The following MRPS9 variants were observed in gnomAD, a reference collection of about 807,000 sequenced individuals.
MRPS9 encodes small ribosomal subunit protein uS9m.
MRPS9 carries 45 observed loss-of-function variants against 59.9 expected under a neutral mutation model. The observed-to-expected ratio is 0.75, with a 90% CI of 0.59 to 0.96. The LOEUF is 0.96. MRPS9 is among the 40% of genes least tolerant of loss of function. The pLI, the probability that MRPS9 is intolerant of heterozygous loss-of-function variation, is 0.00. For missense variants in MRPS9, 473 were observed against 481.1 expected (o/e 0.98, Z 0.16); for synonymous variants, 171 against 166.8 (o/e 1.03, Z -0.19).
intron 4 of MRPS9, among the ~76,000 whole-genome samples, chr2:105,074,770 T>A (rs934617995): frequency 6.6e-6 from 1 of 152,134 alleles, no homozygotes; most frequent in Non-Finnish European, 1.5e-5. Flanking sequence ...GTTGAAAGAA[T>A]AATATAATTG....
chr2:105,063,138 G>A (rs762986291), intron 2 of MRPS9, among the ~76,000 whole-genome samples: 2 of 152,128 alleles, frequency 1.3e-5, no homozygotes, highest in Non-Finnish European at 2.9e-5. Flanking sequence ...AGGTGCCGTG[G>A]CACATGCTGT....
chr2:105,093,169 C>CT (rs1329503023), intron 8 of MRPS9, among the ~76,000 whole-genome samples: 1 of 151,990 alleles, frequency 6.6e-6, no homozygotes. Flanking sequence ...ATTTCTAAAA[C>CT]TTATGTTGTT....
At chr2:105,070,581 C>T (rs1033844043) in intron 2 of MRPS9, among the ~76,000 whole-genome samples, 5 of 152,086 alleles carry the variant, frequency 3.3e-5, no homozygotes, top group Non-Finnish European at 7.4e-5. Context: ...TGTTGTGAGG[C>T]GGGGCATTGG....
rs1464133310 is a variant in MRPS9, at chr2:105,045,218, A to T, written c.136-3953A>T. ...AGAATTCATTGGATATTTATTTTTG[A>T]AGTTGATAGTACATTTAAACATTTT... On this transcript the variant is annotated intron_variant, in intron 1 of 10. Coordinates refer to ENST00000258455, the MANE Select transcript of MRPS9 (RefSeq NM_182640.3). Among the ~76,000 whole-genome samples the T allele has an allele frequency of 2.0e-5, 3 of 152,260 alleles. No homozygotes were observed. In the East Asian group the frequency reaches 5.8e-4, roughly 29 times the overall value.
rs1271667159 is a variant in MRPS9 at position 105,080,046 on chromosome 2, A to G, written c.473A>G (p.Tyr158Cys). ...CTCTTCTATACTGGCAAACAGTCATACTATTCATTAATGCATGTAAGTATA... is the reference window on the plus strand; with the variant it reads ...CTCTTCTATACTGGCAAACAGTCATGCTATTCATTAATGCATGTAAGTATA... ...HYLFYTGKQS[Y>C]YSLMHDVYGM... The change falls in exon 5 of 11, where the codon TAC becomes TGC. Residue 158 changes from tyrosine to cysteine, a missense_variant. Transcript: ENST00000258455. The G allele has an allele frequency of 3.7e-6, 6 of 1,606,768 alleles. No homozygotes were observed. Among genetic ancestry groups the G allele is most frequent in the Admixed American group, 1.7e-5 (1 of 59,542 alleles).
intron 2 of MRPS9, among the ~76,000 whole-genome samples, chr2:105,064,527 G>A (rs186887411): frequency 8.5e-4 from 130 of 152,304 alleles, no homozygotes; most frequent in African/African-American, 3.1e-3. Context: ...CACAAATGTG[G>A]CATCATTGGT....
chr2:105,075,726 T>A (rs1558758460), intron 4 of MRPS9, among the ~76,000 whole-genome samples: 2 of 152,348 alleles, frequency 1.3e-5, no homozygotes, highest in East Asian at 3.9e-4. Context: ...AAAATAAGGA[T>A]GATTTATGTA....
At chr2:105,078,065 A>G (rs527421523) in intron 4 of MRPS9, among the ~76,000 whole-genome samples, 1 of 152,044 alleles carries the variant, frequency 6.6e-6, no homozygotes, top group African/African-American at 2.4e-5. Flanking sequence ...AATGGTGGTT[A>G]CTGACGCAGA....
intron 2 of MRPS9, among the ~76,000 whole-genome samples, chr2:105,054,007 A>AT (rs1390384775): frequency 3.3e-5 from 5 of 152,060 alleles, no homozygotes; most frequent in Non-Finnish European, 5.9e-5. Context: ...TATTAGATTG[A>AT]TTTTTTTCTG....
At chr2:105,067,739 A>AGTGT (rs113470512) in intron 2 of MRPS9, among the ~76,000 whole-genome samples, 95 of 148,458 alleles carry the variant, frequency 6.4e-4, no homozygotes, top group Middle Eastern at 3.5e-3. Flanking sequence ...CCTTCTCCTG[A>AGTGT]GTGTGTGTGT....
intron 4 of MRPS9, among the ~76,000 whole-genome samples, chr2:105,076,547 G>A (rs988342459): frequency 6.6e-6 from 1 of 152,164 alleles, no homozygotes; most frequent in Non-Finnish European, 1.5e-5. Context: ...TTCATTTAAT[G>A]GAATGCTGAA....
intron 9 of MRPS9, among the ~76,000 whole-genome samples, chr2:105,095,306 T>C (rs1680634934): frequency 6.6e-6 from 1 of 152,206 alleles, no homozygotes. Flanking sequence ...GCTTAAACAC[T>C]TTCCTGGCTT....
rs193183630 is a variant in MRPS9 at position 105,076,081 on chromosome 2, T to C, written c.410-3902T>C. The stretch of plus-strand genomic sequence containing the variant: ...AATCGATTATTATTCACAGATGTTA[T>C]GACTGCCTACTTAGAAAATAGAAAA... On this transcript the variant is annotated intron_variant, in intron 4 of 10. Transcript: ENST00000258455. Among the ~76,000 whole-genome samples, 743 of 152,352 alleles carry C rather than the reference T, an allele frequency of 4.9e-3. 1 individual carries two copies. Among genetic ancestry groups the C allele is most frequent in the Non-Finnish European group, 8.3e-3 (567 of 68,022 alleles).
intron 4 of MRPS9, 80 bp downstream of exon 4, chr2:105,071,569 C>A: frequency 7.2e-7 from 1 of 1,394,150 alleles, no homozygotes; most frequent in Non-Finnish European, 1.0e-6. Flanking sequence ...CGGTTGCTCA[C>A]ATATCGTAGG....
At chr2:105,073,815 G>T (rs948991325) in intron 4 of MRPS9, among the ~76,000 whole-genome samples, 4 of 152,130 alleles carry the variant, frequency 2.6e-5, no homozygotes, top group Non-Finnish European at 5.9e-5. Context: ...TAGATTTGAT[G>T]ACCACAAACC....
At chr2:105,079,456 T>C (rs1428868616) in intron 4 of MRPS9, among the ~76,000 whole-genome samples, 1 of 152,202 alleles carries the variant, frequency 6.6e-6, no homozygotes, top group Non-Finnish European at 1.5e-5. Flanking sequence ...CCAACACCTT[T>C]TTGAGGCTTT....
chr2:105,078,697 A>G (rs1680264587), intron 4 of MRPS9, among the ~76,000 whole-genome samples: 1 of 152,230 alleles, frequency 6.6e-6, no homozygotes, highest in South Asian at 2.1e-4. Context: ...CATCCTACAT[A>G]TAATACAGGT....
At position 105,047,198 on chromosome 2, in the gene MRPS9, GA is replaced by G. The variant is rs549061542; in HGVS notation, c.136-1972del. 3.7e-4 allele frequency among the ~76,000 whole-genome samples: 57 copies of G among 152,050 alleles called. No individual in the cohort carries two copies. The South Asian group carries it at 0.012, about 32-fold the overall frequency. The stretch of plus-strand genomic sequence containing the variant: ...ATACTGTATCTTCACAAAGCATTGT[GA>G]GAAACGATAATGATTGGTTAGTAAT... On this transcript the variant is annotated intron_variant, in intron 1 of 10. Transcript: ENST00000258455.
chr2:105,095,020 A>G (rs1558764366), intron 9 of MRPS9, among the ~76,000 whole-genome samples: 2 of 152,134 alleles, frequency 1.3e-5, no homozygotes, highest in East Asian at 1.9e-4. Flanking sequence ...TATGATTCCT[A>G]TTGTCAAGAA....
Sources: allele counts gnomAD v4.1 joint callset (sites outside exome capture counted in the v4.1 genomes callset), GRCh38; gene constraint gnomAD v4.1.1; transcripts MANE v1.5; gene names NCBI Gene and HGNC (gene_info 2026-07-23, HGNC 2026-07-21).